TULP4: variants seen among roughly 807,000 people sequenced by gnomAD.
TULP4 encodes the protein TUB like protein 4.
A neutral mutation model predicts 129.0 loss-of-function variants in TULP4; 16 were observed. The observed-to-expected ratio is 0.12, with a 90% confidence interval of 0.08 to 0.19. TULP4 has a LOEUF of 0.19. TULP4 is among the 10% of genes least tolerant of loss of function. The pLI is 1.00. For missense variants in TULP4, 1,842 were observed against 2,059.1 expected, an observed-to-expected ratio of 0.89 and a Z score of 2.04; for synonymous variants, 998 against 854.0, an observed-to-expected ratio of 1.17 and a Z score of -2.94.
chr6:158,427,994 G>A (rs111234457), intron 2 of TULP4: 4,593 of 151,882 alleles, frequency 0.03, 110 homozygotes, highest in South Asian at 0.069. Context: ...GTGGTGGTGC[G>A]TGCCTGTAAT....
intron 1 of TULP4, among the ~76,000 whole-genome samples, chr6:158,406,789 C>T (rs1583843142): frequency 6.6e-6 from 1 of 152,146 alleles, no homozygotes; most frequent in East Asian, 1.9e-4. Context: ...ATAATATAAA[C>T]TCTATCCAAT....
At chr6:158,468,339 G>T (rs632576) in intron 6 of TULP4, among the ~76,000 whole-genome samples, 63,564 of 152,028 alleles carry the variant, frequency 0.42, 14,596 homozygotes, top group African/African-American at 0.62. Context: ...GGATCAGGCC[G>T]CCTTCAGCCA....
chr6:158,378,463 GTTTT>G (rs61250704), intron 1 of TULP4, among the ~76,000 whole-genome samples: 23 of 53,638 alleles, frequency 4.3e-4, no homozygotes, highest in South Asian at 2.8e-3. Context: ...GGGGGAGCCA[GTTTT>G]TTTTTTTTTT....
chr6:158,318,732 A>G (rs949122849), intron 1 of TULP4, among the ~76,000 whole-genome samples: 3 of 149,340 alleles, frequency 2.0e-5, no homozygotes, highest in Non-Finnish European at 3.0e-5. Flanking sequence ...TTTTTTTTTT[A>G]TTTAATTTTT....
At chr6:158,380,691 C>G (rs1347151495) in intron 1 of TULP4, among the ~76,000 whole-genome samples, 1 of 151,534 alleles carries the variant, frequency 6.6e-6, no homozygotes, top group African/African-American at 2.4e-5. Context: ...GTCAGGAGTT[C>G]GAGACCAGCC....
chr6:158,488,207 AGT>A (rs1439404064), intron 8 of TULP4, among the ~76,000 whole-genome samples: 1 of 152,180 alleles, frequency 6.6e-6, no homozygotes, highest in Non-Finnish European at 1.5e-5. Flanking sequence ...CTGAGTGGGC[AGT>A]GTCTTACTGG....
At chr6:158,428,132 C>T (rs1331200390) in intron 2 of TULP4, 3 of 152,070 alleles carry the variant, frequency 2.0e-5, no homozygotes, top group Non-Finnish European at 4.4e-5. Flanking sequence ...CAAAAGAAAA[C>T]GTGAAAGTTT....
chr6:158,405,020 T>A (rs1777947026), intron 1 of TULP4, among the ~76,000 whole-genome samples: 1 of 152,228 alleles, frequency 6.6e-6, no homozygotes, highest in Admixed American at 6.5e-5. Context: ...AGTTTAACCT[T>A]CTTTCAGCTT....
At chr6:158,443,383 C>G (rs1312232076) in intron 3 of TULP4, among the ~76,000 whole-genome samples, 2 of 152,022 alleles carry the variant, frequency 1.3e-5, no homozygotes, top group African/African-American at 4.8e-5. Flanking sequence ...TCCCAAAGTC[C>G]TGGGATTACA....
intron 3 of TULP4, among the ~76,000 whole-genome samples, chr6:158,446,900 C>G (rs1210493914): frequency 6.6e-6 from 1 of 152,150 alleles, no homozygotes; most frequent in African/African-American, 2.4e-5. Flanking sequence ...GGCGCCCCAC[C>G]CTCACGACCT....
intron 1 of TULP4, among the ~76,000 whole-genome samples, chr6:158,389,941 T>C (rs1777545415): frequency 6.6e-6 from 1 of 152,086 alleles, no homozygotes; most frequent in Admixed American, 6.6e-5. Flanking sequence ...TGAAACCCTA[T>C]CTCTACTAAA....
intron 3 of TULP4, among the ~76,000 whole-genome samples, chr6:158,447,865 T>C (rs1270695104): frequency 1.3e-5 from 2 of 152,252 alleles, no homozygotes; most frequent in Non-Finnish European, 2.9e-5. Flanking sequence ...GCATGATTGT[T>C]GCAATGAGAT....
chr6:158,506,392 C>T (rs1327061359), intron 13 of TULP4, among the ~76,000 whole-genome samples, 186 bp from the exon 14 acceptor site: 12 of 151,738 alleles, frequency 7.9e-5, no homozygotes, highest in Non-Finnish European at 1.6e-4. Flanking sequence ...CCACCACGCC[C>T]GGCTAATTTT....
At chr6:158,314,360 A>G (rs2128483423) in intron 1 of TULP4, 92 bp downstream of exon 1, 9 of 1,462,018 alleles carry the variant, frequency 6.2e-6, no homozygotes, top group African/African-American at 2.8e-5. Context: ...TCAGTTTCAT[A>G]GACTTGCTGC....
chr6:158,404,857 T>C (rs943641162), intron 1 of TULP4, among the ~76,000 whole-genome samples: 1 of 151,936 alleles, frequency 6.6e-6, no homozygotes, highest in Non-Finnish European at 1.5e-5. Context: ...CAAGAAAAGA[T>C]TGAGGTCTGA....
At chr6:158,288,747 T>G (rs1016781643) in intron 1 of TULP4, among the ~76,000 whole-genome samples, 6 of 152,040 alleles carry the variant, frequency 3.9e-5, no homozygotes, top group Non-Finnish European at 8.8e-5. Flanking sequence ...TGATCCACCC[T>G]CCTCGACCTC....
chr6:158,416,060 G>A (rs538582708), intron 2 of TULP4, among the ~76,000 whole-genome samples: 25 of 152,340 alleles, frequency 1.6e-4, no homozygotes, highest in African/African-American at 6.0e-4. Context: ...GAGGAACTTG[G>A]AGTCTGATGT....
chr6:158,457,468 T>A (rs1779317616), intron 5 of TULP4, among the ~76,000 whole-genome samples: 1 of 152,192 alleles, frequency 6.6e-6, no homozygotes, highest in Non-Finnish European at 1.5e-5. Flanking sequence ...TCTGCCTTCT[T>A]CAGATTCTCT....
At chr6:158,349,981 G>A (rs1280288422) in intron 1 of TULP4, among the ~76,000 whole-genome samples, 4 of 148,996 alleles carry the variant, frequency 2.7e-5, no homozygotes, top group African/African-American at 1.0e-4. Flanking sequence ...CCCAAACGGG[G>A]CGGCCGGGCA....
Sources: gnomAD v4.1 joint callset for allele counts (sites outside exome capture counted in the v4.1 genomes callset) on GRCh38, gnomAD v4.1.1 for gene constraint, MANE v1.5 for transcripts, NCBI Gene and HGNC (gene_info 2026-07-23, HGNC 2026-07-21) for gene names.